NOP56: variants seen among roughly 807,000 people sequenced by gnomAD.
NOP56 encodes the protein nucleolar protein 56.
A neutral mutation model predicts 58.3 loss-of-function variants in NOP56; 31 were observed. The ratio of observed to expected loss-of-function variants is 0.53; its 90% confidence interval spans 0.40 to 0.72. NOP56 has a LOEUF of 0.72. Ranked by LOEUF, NOP56 falls within the 30% of genes least tolerant of loss-of-function variation. The pLI is 0.00. For synonymous variants in NOP56, 313 were observed against 282.8 expected, an observed-to-expected ratio of 1.11 and a Z score of -1.07; for missense variants, 669 against 739.9, an observed-to-expected ratio of 0.90 and a Z score of 1.11.
chr20:2,655,894 C>T (rs776688577), intron 7 of NOP56, 40 bp from the exon 8 acceptor site: 36 of 1,613,686 alleles, frequency 2.2e-5, no homozygotes, highest in Non-Finnish European at 3.0e-5. Flanking sequence ...GGCAGGTCAG[C>T]AGTTCATTTC....
chr20:2,653,377 C>T lies in NOP56; in HGVS notation c.192C>T (p.Ala64=), dbSNP rs753498032. The part of the protein sequence containing the change: ...FASSQVALEN[A]NAVSEGVVHE... ...CATCCCAGGTTGCCTTGGAAAATGC[C>T]AACGCCGTGTCTGAAGGTAAGTCGG... The change falls in exon 3 of 12, where the codon GCC becomes GCT. Residue 64 remains alanine (A), a synonymous_variant. Coordinates refer to ENST00000329276, the MANE Select transcript of NOP56 (RefSeq NM_006392.4). 1.1e-5 allele frequency: 18 copies of T among 1,614,024 alleles called. No individual in the cohort carries two copies. The East Asian group carries it at 2.9e-4, about 26-fold the overall frequency.
chr20:2,654,739 C>T lies in NOP56; in HGVS notation c.371-10C>T, dbSNP rs779391130. 6.2e-7 allele frequency: 1 copy of T among 1,613,468 alleles called. No homozygotes were observed. The highest frequency in any genetic ancestry group is 1.1e-5 in the South Asian group (1 of 91,080). On this transcript the variant is annotated splice_polypyrimidine_tract_variant and intron_variant, in intron 4 of 11. Transcript: ENST00000329276. ...GCCCCTTGTTGCTCACCGTCTTGCC[C>T]TCTTCTTAGGAGTTCGTCTGCACTT...
chr20:2,655,764 C>CA lies in NOP56; in HGVS notation c.909+23dup. ...GGGAAGCGGTGCGTCACAGGGGACT[C>CA]AAAAATGGGAGAATAAGGACTGTTG... On this transcript the variant is annotated intron_variant, in intron 7 of 11. Coordinates refer to ENST00000329276, the MANE Select transcript of NOP56 (RefSeq NM_006392.4). 1.2e-6 allele frequency: 2 copies of CA among 1,613,818 alleles called. No homozygotes were observed. Among genetic ancestry groups the CA allele is most frequent in the South Asian group, 2.2e-5 (2 of 91,054 alleles).
intron 8 of NOP56, 153 bp from the exon 9 acceptor site, chr20:2,656,246 CTG>C: frequency 3.1e-6 from 5 of 1,605,460 alleles, no homozygotes; most frequent in Non-Finnish European, 4.2e-6. Context: ...CCCTCTGCCT[CTG>C]GGAGCTATGG....
intron 11 of NOP56, chr20:2,657,721 A>G: frequency 1.7e-6 from 1 of 596,080 alleles, no homozygotes; most frequent in East Asian, 2.7e-5. Context: ...TTTTTTTTTA[A>G]TGGGCTGAGG....
At position 2,653,261 on chromosome 20, in the gene NOP56, G is replaced by T; in HGVS notation, c.94-18G>T. On this transcript the variant is annotated intron_variant, in intron 2 of 11. Transcript: ENST00000329276. The stretch of plus-strand genomic sequence containing the variant: ...AGGAGGGAGGGAAGGAAACCACTTA[G>T]CCTCTTTCTCCCCCCAGGTGGAGGA... 1 of 1,596,362 alleles carries T rather than the reference G, an allele frequency of 6.3e-7. No homozygotes were observed. Among genetic ancestry groups the T allele is most frequent in the Non-Finnish European group, 8.6e-7 (1 of 1,163,884 alleles).
intron 5 of NOP56, 81 bp from the exon 6 acceptor site, chr20:2,655,244 T>C: frequency 6.7e-7 from 1 of 1,495,834 alleles, no homozygotes; most frequent in South Asian, 1.1e-5. Flanking sequence ...CCAGGCAGAG[T>C]AGGTGTGGAG....
rs371285768 is a variant in NOP56 at position 2,656,184 on chromosome 20, C to T, written c.1010+150C>T. 4 of 1,606,730 alleles carry T rather than the reference C, an allele frequency of 2.5e-6. No individual in the cohort carries two copies. The South Asian group carries it at 4.4e-5, about 18-fold the overall frequency. ...GCCAGTCCTGGTGTCTGAGTGATTCCCAGGGCCCAGCAAAGGGACCAAGTT... is the reference window on the plus strand; with the variant it reads ...GCCAGTCCTGGTGTCTGAGTGATTCTCAGGGCCCAGCAAAGGGACCAAGTT... On this transcript the variant is annotated intron_variant, in intron 8 of 11. Coordinates refer to ENST00000329276, the MANE Select transcript of NOP56 (RefSeq NM_006392.4).
Position 2,656,681 on chromosome 20 carries a change from C to T in NOP56, c.1160-93C>T, listed in dbSNP as rs774292547. ...AGTTCACCTAGTGAGTGTTGAGACT[C>T]TGGGTCTGAGTGAAGCTGAGGGTAG... On this transcript the variant is annotated intron_variant, in intron 9 of 11. Coordinates refer to ENST00000329276, the MANE Select transcript of NOP56 (RefSeq NM_006392.4). 13 of 1,610,852 alleles carry T rather than the reference C, an allele frequency of 8.1e-6. No individual in the cohort carries two copies. In the East Asian group the frequency reaches 2.9e-4, roughly 36 times the overall value.
At chr20:2,653,167 G>T (rs949050873) in intron 2 of NOP56, 112 bp from the exon 3 acceptor site, 170 of 907,198 alleles carry the variant, frequency 1.9e-4, no homozygotes, top group Non-Finnish European at 1.3e-4. Context: ...TGGGATGTGG[G>T]GCCCAGGTAT....
intron 8 of NOP56, 81 bp from the exon 9 acceptor site, chr20:2,656,320 A>G (rs1272109063): frequency 1.2e-6 from 2 of 1,604,318 alleles, no homozygotes; most frequent in Non-Finnish European, 1.7e-6. Flanking sequence ...CTTCGGGGTG[A>G]GAGGAGGGGA....
chr20:2,656,319 G>T, intron 8 of NOP56, 82 bp from the exon 9 acceptor site: 1 of 1,605,288 alleles, frequency 6.2e-7, no homozygotes, highest in African/African-American at 1.3e-5. Context: ...ACTTCGGGGT[G>T]AGAGGAGGGG....
chr20:2,658,046 T>C lies in NOP56; in HGVS notation c.1537T>C (p.Ser513Pro), dbSNP rs192854828. Residue 513 changes from serine to proline, a missense_variant, in exon 12 of 12, where the codon TCC (serine) becomes CCC (proline). Physicochemically the swap from Ser to Pro is moderately conservative, Grantham distance 74. Transcript: ENST00000329276. ...FSKPKKKKSFSKEELMSSDLE... is the reference protein window; with the variant it reads ...FSKPKKKKSFPKEELMSSDLE... ...CAAACCCAAGAAAAAGAAATCTTTT[T>C]CCAAGGAGGAGTTGATGAGTAGCGA... 2.5e-4 allele frequency: 408 copies of C among 1,613,582 alleles called. 3 individuals carry two copies. In the Middle Eastern group the frequency reaches 0.011, roughly 42 times the overall value.
rs759479148 is a variant in NOP56, at chr20:2,654,708, C to T, written c.371-41C>T. 3.1e-6 allele frequency: 5 copies of T among 1,611,158 alleles called. No individual in the cohort carries two copies. In the East Asian group the frequency reaches 6.7e-5, roughly 22 times the overall value. On this transcript the variant is annotated intron_variant, in intron 4 of 11. Coordinates refer to ENST00000329276, the MANE Select transcript of NOP56 (RefSeq NM_006392.4). ...TGGTGCCCGTGGGTGCGGGAGCTAG[C>T]TCAGAGCCCCTTGTTGCTCACCGTC...
intron 2 of NOP56, 140 bp downstream of exon 2, chr20:2,653,071 T>C: frequency 1.2e-6 from 1 of 815,154 alleles, no homozygotes; most frequent in Non-Finnish European, 1.9e-6. Context: ...GATCCGGGGG[T>C]CTTTACCTTG....
intron 10 of NOP56, 23 bp downstream of exon 10, chr20:2,656,918 T>G (rs1246487265): frequency 1.2e-6 from 2 of 1,614,032 alleles, no homozygotes; most frequent in Non-Finnish European, 1.7e-6. Flanking sequence ...TTGCTGGGTG[T>G]GGAGTGGCAT....
rs1157301414 is a variant in NOP56 at position 2,652,918 on chromosome 20, T to G, written c.80T>G (p.Leu27Arg). 1 of 1,604,804 alleles carries G rather than the reference T, an allele frequency of 6.2e-7. No individual in the cohort carries two copies. The highest frequency in any genetic ancestry group is 8.5e-7 in the Non-Finnish European group (1 of 1,175,362). Residue 27 changes from leucine (L) to arginine (R), a missense_variant, in exon 2 of 12, where the codon CTG becomes CGG. Leu to Arg is a moderately radical substitution (Grantham distance 102). This residue lies in a region of NOP56 where 121 missense variants were observed against 113.1 expected (regional missense o/e 1.07). Transcript: ENST00000329276. ...CTGAAGGAAGTGGAGGAGATCAGTC[T>G]GCTGCAGCCGCAGGTGGGTGAGATC... is the stretch of plus-strand genomic sequence containing the variant. ...LALKEVEEIS[L>R]LQPQVEESVL...
Position 2,655,723 on chromosome 20 carries a change from C to G in NOP56, c.886C>G (p.Leu296Val), listed in dbSNP as rs1166357559. Residue 296 changes from leucine to valine, a missense_variant, in exon 7 of 12, where the codon CTG becomes GTG. Around this residue, in one of 3 missense-constraint regions of NOP56, gnomAD observed 339 missense variants for 430.5 expected, o/e 0.79. Coordinates refer to ENST00000329276, the MANE Select transcript of NOP56 (RefSeq NM_006392.4). ...RSKMSQVAPSLSALIGEAVGA... is the reference protein window; with the variant it reads ...RSKMSQVAPSVSALIGEAVGA... Reference sequence around the variant, plus strand: ...CAAGATGAGCCAAGTAGCCCCCAGCCTGTCAGCCCTAATTGGGGAAGCGGT... The same window carrying G: ...CAAGATGAGCCAAGTAGCCCCCAGCGTGTCAGCCCTAATTGGGGAAGCGGT... The G allele has an allele frequency of 3.7e-6, 6 of 1,614,224 alleles. No homozygotes were observed. The highest frequency in any genetic ancestry group is 5.1e-6 in the Non-Finnish European group (6 of 1,180,044).
intron 5 of NOP56, 50 bp from the exon 6 acceptor site, chr20:2,655,275 T>TAG: frequency 1.9e-6 from 3 of 1,607,534 alleles, no homozygotes; most frequent in Non-Finnish European, 2.6e-6. Flanking sequence ...TGTAGCTCTA[T>TAG]GGTTTTTGAT....
Sources: allele counts gnomAD v4.1 joint callset, GRCh38; gene constraint gnomAD v4.1.1; regional missense constraint gnomAD v4.1.1; transcripts MANE v1.5; gene names NCBI Gene and HGNC (gene_info 2026-07-23, HGNC 2026-07-21).